The following FOXO1 variants were observed in gnomAD, a reference collection of about 807,000 sequenced individuals.
FOXO1 encodes forkhead box protein O1.
A neutral mutation model predicts 44.1 loss-of-function variants in FOXO1; 6 were observed. The observed-to-expected ratio is 0.14, with a 90% confidence interval of 0.07 to 0.27. The LOEUF (loss-of-function observed/expected upper bound fraction) is 0.27. FOXO1 is among the 10% of genes least tolerant of loss of function. The pLI, the probability that FOXO1 is intolerant of heterozygous loss-of-function variation, is 1.00. For missense variants in FOXO1, 737 were observed against 888.8 expected (o/e 0.83, Z 2.17); for synonymous variants, 380 against 362.7 (o/e 1.05, Z -0.54).
intron 1 of FOXO1, among the ~76,000 whole-genome samples, chr13:40,610,797 AT>A (rs1430766478): frequency 6.6e-6 from 1 of 152,252 alleles, no homozygotes; most frequent in Non-Finnish European, 1.5e-5. Context: ...AACTCAGAAA[AT>A]TATGCTTGTA....
chr13:40,597,964 C>A (rs996132657), intron 1 of FOXO1, among the ~76,000 whole-genome samples: 6 of 152,202 alleles, frequency 3.9e-5, no homozygotes, highest in African/African-American at 1.4e-4. Flanking sequence ...GCGGGCGGTG[C>A]TCGGGCCAAG....
chr13:40,635,000 C>A (rs567822746), intron 1 of FOXO1, among the ~76,000 whole-genome samples: 1 of 152,202 alleles, frequency 6.6e-6, no homozygotes, highest in South Asian at 2.1e-4. Flanking sequence ...ACAAAACAAA[C>A]AACCCTCTAC....
intron 1 of FOXO1, among the ~76,000 whole-genome samples, chr13:40,649,651 T>TAA (rs1165556694): frequency 4.6e-5 from 7 of 152,212 alleles, no homozygotes. Flanking sequence ...CAGAGCACAA[T>TAA]AATTATTTTA....
In FOXO1 at chr13:40,559,548, G is replaced by A. The variant is rs1216360372; in HGVS notation, c.1943C>T (p.Thr648Met). 1.4e-5 allele frequency: 22 copies of A among 1,605,850 alleles called. No homozygotes were observed. Among genetic ancestry groups the A allele is most frequent in the Non-Finnish European group, 1.6e-5 (19 of 1,174,864 alleles). Residue 648 changes from threonine (T) to methionine (M), a missense_variant, in exon 2 of 3, where the codon ACG becomes ATG. Thr to Met is a moderately conservative substitution (Grantham distance 81). Transcript: ENST00000379561. ...TCAGCCTGACACCCAGCTATGTGTC[G>A]TTGTCTTGACACTGTGTGGGAAGCT... ...NQSFPHSVKT[T>M]THSWVSG
At position 40,557,104 on chromosome 13, in the gene FOXO1, T is replaced by A. The variant is rs1212014580; in HGVS notation, c.*1945A>T. The A allele has an allele frequency of 1.3e-5, 2 of 152,214 alleles. No individual in the cohort carries two copies. The highest frequency in any genetic ancestry group is 4.1e-4 in the South Asian group (2 of 4,836). The allele number at this position is 152,214 out of a possible 1,614,324, so 9.4% of individuals were successfully genotyped here. On this transcript the variant is annotated 3_prime_UTR_variant, in exon 3 of 3. Transcript: ENST00000379561. ...TAGGAAATCTTATCAGGAACACTTGTGTTCTTGTTAAACATTTAGGAAATA... is the reference window on the plus strand; with the variant it reads ...TAGGAAATCTTATCAGGAACACTTGAGTTCTTGTTAAACATTTAGGAAATA...
At chr13:40,627,844 AAAC>A (rs1488671387) in intron 1 of FOXO1, among the ~76,000 whole-genome samples, 1 of 151,846 alleles carries the variant, frequency 6.6e-6, no homozygotes, top group Non-Finnish European at 1.5e-5. Flanking sequence ...AAAAAAAAAA[AAAC>A]AAACAAACAA....
At position 40,619,131 on chromosome 13, in the gene FOXO1, T is replaced by C. The variant is rs985326197; in HGVS notation, c.630+46452A>G. 4.2e-5 allele frequency: 15 copies of C among 357,680 alleles called. No homozygotes were observed. In the East Asian group the frequency reaches 9.1e-4, roughly 22 times the overall value. The allele number at this position is 357,680 out of a possible 1,614,324, so 22.2% of individuals were successfully genotyped here. ...AAACCCCATCTCTACTAAACAGATA[T>C]AAAAAATTAGCCGGGTGTGGTGGCA... On this transcript the variant is annotated intron_variant, in intron 1 of 2. Coordinates refer to ENST00000379561, the MANE Select transcript of FOXO1 (RefSeq NM_002015.4).
intron 1 of FOXO1, among the ~76,000 whole-genome samples, chr13:40,583,488 T>G (rs145745364): frequency 7.9e-5 from 12 of 152,252 alleles, no homozygotes; most frequent in African/African-American, 2.9e-4. Context: ...GAAAATCTGT[T>G]GTTTAGTGTG....
At chr13:40,563,658 G>A (rs967984884) in intron 1 of FOXO1, among the ~76,000 whole-genome samples, 4 of 152,060 alleles carry the variant, frequency 2.6e-5, no homozygotes, top group Non-Finnish European at 5.9e-5. Flanking sequence ...AGGGCCAGGG[G>A]CTTAGAGTAG....
chr13:40,591,255 TG>T (rs1228930838), intron 1 of FOXO1, among the ~76,000 whole-genome samples: 1 of 152,198 alleles, frequency 6.6e-6, no homozygotes. Flanking sequence ...AGCTGTAGCT[TG>T]CTGCTACTGC....
chr13:40,572,410 T>C (rs201012914), intron 1 of FOXO1, among the ~76,000 whole-genome samples: 2 of 151,184 alleles, frequency 1.3e-5, no homozygotes, highest in Non-Finnish European at 1.5e-5. Flanking sequence ...ATGTGTTTTT[T>C]CTATTTTGGG....
chr13:40,606,622 G>T (rs1403064210), intron 1 of FOXO1, among the ~76,000 whole-genome samples: 1 of 152,128 alleles, frequency 6.6e-6, no homozygotes, highest in East Asian at 1.9e-4. Context: ...CATGAAAAGG[G>T]GGTTTTAAGT....
chr13:40,655,164 C>T (rs1877815864), intron 1 of FOXO1, among the ~76,000 whole-genome samples: 2 of 151,754 alleles, frequency 1.3e-5, no homozygotes, highest in Admixed American at 1.3e-4. Flanking sequence ...GGTGAAACCC[C>T]GTCCCTACTA....
intron 1 of FOXO1, among the ~76,000 whole-genome samples, chr13:40,650,404 A>T (rs1877641371): frequency 6.6e-6 from 1 of 152,236 alleles, no homozygotes; most frequent in Non-Finnish European, 1.5e-5. Flanking sequence ...AGTAGGTCTC[A>T]GCCTCATTTT....
intron 1 of FOXO1, among the ~76,000 whole-genome samples, chr13:40,574,348 C>T (rs1473747556): frequency 1.3e-5 from 2 of 152,100 alleles, no homozygotes; most frequent in Non-Finnish European, 2.9e-5. Flanking sequence ...CATTACTGCG[C>T]GTGTGAATCT....
At position 40,665,836 on chromosome 13, in the gene FOXO1, G is replaced by A. The variant is rs1379514079; in HGVS notation, c.377C>T (p.Pro126Leu). 2 of 1,148,628 alleles carry A rather than the reference G, an allele frequency of 1.7e-6. No individual in the cohort carries two copies. Among genetic ancestry groups the A allele is most frequent in the Admixed American group, 4.8e-5 (1 of 20,726 alleles). The allele number at this position is 1,148,628 out of a possible 1,614,324, so 71.2% of individuals were successfully genotyped here. A position where few individuals can be genotyped will look rare whatever the true frequency, so the allele number is the denominator to read the frequency against. ...GTGCTGCGACAGCGGCCCGGGCGGCGGGGGCTGCGGTGGCGCTGGGTGCAG... is the reference window on the plus strand; with the variant it reads ...GTGCTGCGACAGCGGCCCGGGCGGCAGGGGCTGCGGTGGCGCTGGGTGCAG... The part of the protein sequence containing the change: ...GCLHPAPPQP[P>L]PPGPLSQHPP... The change falls in exon 1 of 3, where the codon CCG becomes CTG. Residue 126 changes from proline to leucine, a missense_variant. By Grantham distance (98) the Pro-to-Leu change is moderately conservative. Transcript: ENST00000379561.
chr13:40,590,153 T>C (rs1461059432), intron 1 of FOXO1, among the ~76,000 whole-genome samples: 2 of 152,154 alleles, frequency 1.3e-5, no homozygotes, highest in Admixed American at 6.5e-5. Context: ...TTTAAAACCA[T>C]CATTTCTGTC....
rs45624735 is a variant in FOXO1 at position 40,560,570 on chromosome 13, A to G, written c.921T>C (p.Phe307=). Residue 307 remains phenylalanine (F), a synonymous_variant, in exon 2 of 3, where the codon TTT becomes TTC. Coordinates refer to ENST00000379561, the MANE Select transcript of FOXO1 (RefSeq NM_002015.4). The surrounding 1 kb of genome is among the most constrained non-coding windows in gnomAD (Gnocchi z 5.1). The part of the protein sequence containing the change: ...ASPGSHSNDD[F]DNWSTFRPRT... ...GAGGGCGAAATGTACTCCAGTTATC[A>G]AAGTCATCATTGCTGTGAGAGCCAG... The G allele has an allele frequency of 1.6e-3, 2,532 of 1,614,222 alleles. 3 individuals are homozygous for G. The highest frequency in any genetic ancestry group is 3.4e-3 in the Admixed American group (207 of 60,032).
chr13:40,645,626 T>C (rs996161412), intron 1 of FOXO1, among the ~76,000 whole-genome samples: 2 of 152,190 alleles, frequency 1.3e-5, no homozygotes, highest in African/African-American at 4.8e-5. Flanking sequence ...AAACTTTTCA[T>C]CTAATTAAAG....
Sources: allele counts gnomAD v4.1 joint callset (sites outside exome capture counted in the v4.1 genomes callset), GRCh38; gene constraint gnomAD v4.1.1; non-coding constraint Gnocchi (gnomAD v3.1); transcripts MANE v1.5; gene names NCBI Gene and HGNC (gene_info 2026-07-23, HGNC 2026-07-21).